Variants in CAMKMT observed in about 807,000 individuals in gnomAD.
CAMKMT encodes CaM KMT.
CAMKMT carries 53 observed loss-of-function variants against 48.0 expected under a neutral mutation model. The ratio of observed to expected loss-of-function variants is 1.10; its 90% CI spans 0.89 to 1.39. CAMKMT has a LOEUF of 1.39. Ranked by LOEUF, CAMKMT falls within the 40% of genes most tolerant of loss-of-function variation. The probability of loss-of-function intolerance (pLI) is 0.00; values close to 1 mark genes in which losing one functional copy is unlikely to be tolerated. For synonymous variants in CAMKMT, 165 were observed against 152.3 expected (o/e 1.08, Z -0.61); for missense variants, 428 against 402.7 (o/e 1.06, Z -0.54).
intron 3 of CAMKMT, among the ~76,000 whole-genome samples, chr2:44,648,833 A>G (rs6707653): frequency 0.62 from 93,586 of 151,968 alleles, 29,466 homozygotes; most frequent in Admixed American, 0.69. Context: ...ACTACCCCAA[A>G]TAAATATACA....
intron 3 of CAMKMT, among the ~76,000 whole-genome samples, chr2:44,500,654 A>G (rs985414495): frequency 1.3e-5 from 2 of 150,452 alleles, no homozygotes; most frequent in Non-Finnish European, 3.0e-5. Context: ...CAATTTTCCA[A>G]CATTTCCAGC....
chr2:44,386,976 A>G (rs1572712886), intron 2 of CAMKMT, among the ~76,000 whole-genome samples: 1 of 152,142 alleles, frequency 6.6e-6, no homozygotes, highest in African/African-American at 2.4e-5. Context: ...GCTGTTGAAT[A>G]AAAAGTTTAT....
Position 44,639,119 on chromosome 2 carries a change from A to G in CAMKMT, c.377-65164A>G, listed in dbSNP as rs190845517. 1.5e-3 allele frequency among the ~76,000 whole-genome samples: 227 copies of G among 152,374 alleles called. 1 individual carries two copies. Among genetic ancestry groups the G allele is most frequent in the African/African-American group, 5.2e-3 (218 of 41,590 alleles). ...ACCAGTTCTTTAGTATTTAAGAACT[A>G]TTCCAGTCAAAACGAAATAGTCTGG... On this transcript the variant is annotated intron_variant, in intron 3 of 10. Transcript: ENST00000378494.
chr2:44,573,086 T>G (rs1413567340), intron 3 of CAMKMT, among the ~76,000 whole-genome samples: 3 of 152,180 alleles, frequency 2.0e-5, no homozygotes, highest in African/African-American at 7.2e-5. Flanking sequence ...GTAAAAGTAA[T>G]CTTTTCATGT....
chr2:44,395,851 A>G (rs1177081860), intron 3 of CAMKMT, among the ~76,000 whole-genome samples: 1 of 152,174 alleles, frequency 6.6e-6, no homozygotes, highest in Non-Finnish European at 1.5e-5. Flanking sequence ...TTCTGTTTTA[A>G]TATCATACAT....
At chr2:44,447,392 T>G (rs1006291697) in intron 3 of CAMKMT, among the ~76,000 whole-genome samples, 11 of 152,218 alleles carry the variant, frequency 7.2e-5, no homozygotes, top group African/African-American at 1.7e-4. Flanking sequence ...ATTCATAACA[T>G]TAGTGCCTAC....
At chr2:44,660,709 G>A (rs1252129008) in intron 3 of CAMKMT, among the ~76,000 whole-genome samples, 2 of 152,124 alleles carry the variant, frequency 1.3e-5, no homozygotes, top group African/African-American at 2.4e-5. Context: ...CTCAGCTCAG[G>A]TGATCCTCTC....
intron 3 of CAMKMT, among the ~76,000 whole-genome samples, chr2:44,692,449 C>T (rs1008602686): frequency 1.3e-5 from 2 of 152,162 alleles, no homozygotes; most frequent in Non-Finnish European, 2.9e-5. Context: ...TTCTCTATTT[C>T]GTTAACATGT....
At chr2:44,492,129 GT>G (rs1558654602) in intron 3 of CAMKMT, among the ~76,000 whole-genome samples, 1 of 152,032 alleles carries the variant, frequency 6.6e-6, no homozygotes, top group Non-Finnish European at 1.5e-5. Context: ...CTCAGAGACT[GT>G]ATGAGGATTA....
chr2:44,371,185 A>T (rs6741112), intron 1 of CAMKMT, among the ~76,000 whole-genome samples: 2 of 152,054 alleles, frequency 1.3e-5, no homozygotes, highest in African/African-American at 4.8e-5. Context: ...GGGTTTCACC[A>T]TGTTGGCCAG....
intron 3 of CAMKMT, among the ~76,000 whole-genome samples, chr2:44,587,932 G>GC (rs1669969587): frequency 1.9e-5 from 2 of 103,846 alleles, no homozygotes; most frequent in Admixed American, 1.0e-4. Flanking sequence ...TCTCTGCCTG[G>GC]TCCCCCATCG....
chr2:44,550,462 A>G (rs2103648944), intron 3 of CAMKMT, among the ~76,000 whole-genome samples: 1 of 152,298 alleles, frequency 6.6e-6, no homozygotes, highest in Middle Eastern at 3.4e-3. Flanking sequence ...TAAAATGCAT[A>G]TATGTAACAT....
At chr2:44,469,551 A>G (rs1450942206) in intron 3 of CAMKMT, among the ~76,000 whole-genome samples, 1 of 151,998 alleles carries the variant, frequency 6.6e-6, no homozygotes, top group African/African-American at 2.4e-5. Flanking sequence ...TGTATGTTAA[A>G]TCTTCTTCTT....
intron 7 of CAMKMT, among the ~76,000 whole-genome samples, chr2:44,731,549 G>A (rs960048523): frequency 1.3e-5 from 2 of 152,168 alleles, no homozygotes; most frequent in African/African-American, 4.8e-5. Flanking sequence ...TTGAAACAGA[G>A]ACTCTCTGTT....
chr2:44,614,690 T>C (rs554151740), intron 3 of CAMKMT, among the ~76,000 whole-genome samples: 4 of 152,208 alleles, frequency 2.6e-5, no homozygotes, highest in South Asian at 4.1e-4. Flanking sequence ...AAAAGCCTCA[T>C]TGAGGAGACA....
At chr2:44,598,854 G>A (rs1207909998) in intron 3 of CAMKMT, among the ~76,000 whole-genome samples, 1 of 151,132 alleles carries the variant, frequency 6.6e-6, no homozygotes, top group Non-Finnish European at 1.5e-5. Context: ...ACCATCACAG[G>A]TGTTCAGTAC....
In CAMKMT at chr2:44,461,926, G is replaced by A. The variant is rs1228956146; in HGVS notation, c.376+71621G>A. 3.9e-5 allele frequency among the ~76,000 whole-genome samples: 6 copies of A among 151,974 alleles called. No homozygotes were observed. In the East Asian group the frequency reaches 1.2e-3, roughly 29 times the overall value. On this transcript the variant is annotated intron_variant, in intron 3 of 10. Transcript: ENST00000378494. ...ATTTCTCAGTGGATCACATCACATC[G>A]AGCTCATACTGTGTTCTTGTATAAT... is the stretch of plus-strand genomic sequence containing the variant.
intron 3 of CAMKMT, among the ~76,000 whole-genome samples, chr2:44,448,869 C>G (rs1042488507): frequency 6.6e-6 from 1 of 152,042 alleles, no homozygotes; most frequent in African/African-American, 2.4e-5. Flanking sequence ...AAACATTGTG[C>G]TAAGTATAAG....
At chr2:44,708,034 A>G (rs1029926631) in intron 6 of CAMKMT, among the ~76,000 whole-genome samples, 1 of 152,066 alleles carries the variant, frequency 6.6e-6, no homozygotes, top group East Asian at 1.9e-4. Context: ...ATTGCAGTTC[A>G]AACTCCATTA....
Sources: gnomAD v4.1 joint callset for allele counts (sites outside exome capture counted in the v4.1 genomes callset) on GRCh38, gnomAD v4.1.1 for gene constraint, MANE v1.5 for transcripts, NCBI Gene and HGNC (gene_info 2026-07-23, HGNC 2026-07-21) for gene names.